The following PID1 variants were observed in gnomAD, a reference collection of about 807,000 sequenced individuals.
PID1 encodes the protein PTB-containing, cubilin and LRP1-interacting protein.
Under a neutral mutation model 19.1 loss-of-function variants are expected in PID1, and 10 were observed. The observed-to-expected ratio is 0.52, with a 90% CI of 0.32 to 0.89. PID1 has a LOEUF of 0.89. PID1 is among the 40% of genes least tolerant of loss of function. PID1 has a pLI of 0.03. For synonymous variants in PID1, 130 were observed against 116.0 expected (o/e 1.12, Z -0.78); for missense variants, 248 against 285.3 (o/e 0.87, Z 0.94).
intron 1 of PID1, among the ~76,000 whole-genome samples, chr2:229,212,595 T>C (rs1048984047): frequency 1.3e-5 from 2 of 152,184 alleles, no homozygotes; most frequent in African/African-American, 4.8e-5. Context: ...CAAATGCTCA[T>C]AGGAGTAGGG....
chr2:229,035,859 T>C (rs749214683), intron 2 of PID1, among the ~76,000 whole-genome samples: 4 of 152,022 alleles, frequency 2.6e-5, no homozygotes, highest in African/African-American at 4.8e-5. Flanking sequence ...TCCTGCAAGG[T>C]GGTTTGGGTC....
At chr2:229,133,781 CTTTT>C (rs897577738) in intron 2 of PID1, among the ~76,000 whole-genome samples, 2 of 149,708 alleles carry the variant, frequency 1.3e-5, no homozygotes, top group African/African-American at 4.9e-5. Context: ...TTTTTTTTTT[CTTTT>C]TTTAATTATT....
At chr2:229,232,782 C>T (rs2106268616) in intron 1 of PID1, among the ~76,000 whole-genome samples, 1 of 99,244 alleles carries the variant, frequency 1.0e-5, no homozygotes, top group African/African-American at 4.0e-5. Context: ...TACACACACA[C>T]ACATAAATAT....
rs1693418842 is a variant in PID1 at position 229,026,184 on chromosome 2, G to C, written c.178-76C>G. The C allele has an allele frequency of 6.0e-5, 56 of 931,850 alleles. 2 individuals carry two copies. The South Asian group carries it at 8.2e-4, about 14-fold the overall frequency. 57.7% of individuals were successfully genotyped at this position (931,850 alleles called of 1,614,324 possible). On this transcript the variant is annotated intron_variant, in intron 2 of 2. Transcript: ENST00000392055. The stretch of plus-strand genomic sequence containing the variant: ...GTTCTGATAGACTGAATGAGTAGCT[G>C]TTCCACACAGTCATGGTGTCACATT...
At chr2:229,058,527 C>T (rs1053577063) in intron 2 of PID1, among the ~76,000 whole-genome samples, 1 of 152,156 alleles carries the variant, frequency 6.6e-6, no homozygotes, top group Non-Finnish European at 1.5e-5. Context: ...GCCGCCCCTG[C>T]TGGCATGCAT....
chr2:229,054,362 G>A (rs1396323643), intron 2 of PID1, among the ~76,000 whole-genome samples: 5 of 152,102 alleles, frequency 3.3e-5, no homozygotes, highest in Non-Finnish European at 7.4e-5. Context: ...GAGGAGAAGC[G>A]GCATGTGATG....
rs1278727009 is a variant in PID1, at chr2:229,268,227, C to T, written c.30+2787G>A. Among the ~76,000 whole-genome samples, 3 of 152,146 alleles carry T rather than the reference C, an allele frequency of 2.0e-5. No homozygotes were observed. In the East Asian group the frequency reaches 5.8e-4, roughly 29 times the overall value. On this transcript the variant is annotated intron_variant, in intron 1 of 2. Coordinates refer to ENST00000392055, the MANE Select transcript of PID1 (RefSeq NM_001100818.2). ...GGATTTGGGTCAAACAGCTAAACCTCAAATCAGAAAATATCAGCATCATTT... is the reference window on the plus strand; with the variant it reads ...GGATTTGGGTCAAACAGCTAAACCTTAAATCAGAAAATATCAGCATCATTT...
At chr2:229,168,090 T>C (rs1453711466) in intron 1 of PID1, among the ~76,000 whole-genome samples, 4 of 152,198 alleles carry the variant, frequency 2.6e-5, no homozygotes, top group Non-Finnish European at 5.9e-5. Context: ...TTTTAAGATT[T>C]TCTATTTATT....
At chr2:229,133,633 T>C (rs1352319370) in intron 2 of PID1, among the ~76,000 whole-genome samples, 2 of 152,224 alleles carry the variant, frequency 1.3e-5, no homozygotes, top group Admixed American at 1.3e-4. Flanking sequence ...AAATTAATTC[T>C]TCATGCCCAA....
At chr2:229,213,133 A>G (rs1398791897) in intron 1 of PID1, among the ~76,000 whole-genome samples, 1 of 152,186 alleles carries the variant, frequency 6.6e-6, no homozygotes, top group African/African-American at 2.4e-5. Context: ...AGGCTCTGTG[A>G]CTTACTACCT....
chr2:229,175,870 G>A (rs985889438), intron 1 of PID1, among the ~76,000 whole-genome samples: 10 of 152,088 alleles, frequency 6.6e-5, no homozygotes, highest in African/African-American at 1.2e-4. Context: ...CATAGACTAC[G>A]CAACACTAAG....
At chr2:229,185,851 A>T (rs1267107390) in intron 1 of PID1, among the ~76,000 whole-genome samples, 1 of 152,082 alleles carries the variant, frequency 6.6e-6, no homozygotes, top group South Asian at 2.1e-4. Flanking sequence ...ACATTTCAAA[A>T]CCAATCATGT....
chr2:229,193,468 C>A (rs1364590992), intron 1 of PID1, among the ~76,000 whole-genome samples: 1 of 152,126 alleles, frequency 6.6e-6, no homozygotes, highest in Non-Finnish European at 1.5e-5. Flanking sequence ...CTAAAGCCAA[C>A]CCAAATTCAA....
chr2:229,029,839 C>CAAA (rs35968488), intron 2 of PID1, among the ~76,000 whole-genome samples: 3 of 114,174 alleles, frequency 2.6e-5, no homozygotes, highest in African/African-American at 6.4e-5. Flanking sequence ...CACTCCGTCT[C>CAAA]AAAAAAAAAA....
intron 2 of PID1, among the ~76,000 whole-genome samples, chr2:229,106,774 G>C (rs1047528203): frequency 9.9e-5 from 15 of 152,098 alleles, no homozygotes; most frequent in Non-Finnish European, 2.2e-4. Context: ...TTTTGTTATA[G>C]GAGCTCAAAC....
intron 2 of PID1, among the ~76,000 whole-genome samples, chr2:229,126,250 C>T (rs1287633270): frequency 6.6e-6 from 1 of 152,132 alleles, no homozygotes; most frequent in Non-Finnish European, 1.5e-5. Flanking sequence ...AGGAGGTAGG[C>T]TTTTGGAGAA....
At position 229,025,643 on chromosome 2, in the gene PID1, C is replaced by T. The variant is rs558532862; in HGVS notation, c.643G>A (p.Asp215Asn). Reference protein sequence around the residue: ...SEEVSQELESDDG With the variant: ...SEEVSQELESNDG Reference sequence around the variant, plus strand: ...CGTCTCAAGTTCATTCAGCCATCATCGGATTCCAATTCCTGGGAAACCTCT... The same window carrying T: ...CGTCTCAAGTTCATTCAGCCATCATTGGATTCCAATTCCTGGGAAACCTCT... The change falls in exon 3 of 3, where the codon GAT becomes AAT. Residue 215 changes from aspartate (D) to asparagine (N), a missense_variant. Transcript: ENST00000392055. 33 of 1,608,624 alleles carry T rather than the reference C, an allele frequency of 2.1e-5. No homozygotes were observed. In the East Asian group the frequency reaches 2.9e-4, roughly 14 times the overall value.
At chr2:229,104,636 A>G (rs1695138573) in intron 2 of PID1, among the ~76,000 whole-genome samples, 2 of 152,190 alleles carry the variant, frequency 1.3e-5, no homozygotes, top group Admixed American at 6.5e-5. Context: ...GGCAGTGCTC[A>G]TTCAGAAATG....
At chr2:229,229,757 G>A (rs1486971694) in intron 1 of PID1, among the ~76,000 whole-genome samples, 1 of 152,210 alleles carries the variant, frequency 6.6e-6, no homozygotes, top group African/African-American at 2.4e-5. Context: ...GCTTTCAGAT[G>A]GTTCTGTCTC....
Sources: gnomAD v4.1 joint callset for allele counts (sites outside exome capture counted in the v4.1 genomes callset) on GRCh38, gnomAD v4.1.1 for gene constraint, MANE v1.5 for transcripts, NCBI Gene and HGNC (gene_info 2026-07-23, HGNC 2026-07-21) for gene names.